The following PTPRS variants were observed in gnomAD, a reference collection of about 807,000 sequenced individuals.
PTPRS encodes the protein receptor-type tyrosine-protein phosphatase S.
A neutral mutation model predicts 215.3 loss-of-function variants in PTPRS; 63 were observed. That is an observed-to-expected ratio of 0.29 (90% CI 0.24 to 0.36). PTPRS has a LOEUF of 0.36. Among genes scored for constraint, PTPRS ranks in the 10% least tolerant of loss-of-function variants. PTPRS has a pLI of 1.00. For synonymous variants in PTPRS, 1,404 were observed against 1,191.4 expected (o/e 1.18, Z -3.68); for missense variants, 2,258 against 2,825.8 (o/e 0.80, Z 4.56).
chr19:5,329,009 G>A (rs1015105571), intron 1 of PTPRS, among the ~76,000 whole-genome samples: 5 of 152,186 alleles, frequency 3.3e-5, no homozygotes, highest in Non-Finnish European at 5.9e-5. Flanking sequence ...GGAGCCAGAC[G>A]GGCTGATCTG....
At chr19:5,340,390 G>A (rs1217852252) in intron 1 of PTPRS, among the ~76,000 whole-genome samples, 1 of 147,986 alleles carries the variant, frequency 6.8e-6, no homozygotes, top group East Asian at 2.0e-4. Flanking sequence ...CCCCTCCCAC[G>A]CCGCGGACGA....
intron 9 of PTPRS, among the ~76,000 whole-genome samples, chr19:5,252,646 G>A (rs1271182953): frequency 5.3e-5 from 8 of 149,584 alleles, no homozygotes; most frequent in East Asian, 2.0e-4. Flanking sequence ...TTTGGAGGCC[G>A]AGGCAGGTAG....
Position 5,277,655 on chromosome 19 carries a change from C to CAA in PTPRS, c.92-3313_92-3312dup, listed in dbSNP as rs59687529. 346 of 379,276 alleles carry CAA rather than the reference C, an allele frequency of 9.1e-4. 1 individual carries two copies. The highest frequency in any genetic ancestry group is 2.5e-3 in the African/African-American group (107 of 42,416). The allele number at this position is 379,276 out of a possible 1,614,324, so 23.5% of individuals were successfully genotyped here. A position where few individuals can be genotyped will look rare whatever the true frequency, so the allele number is the denominator to read the frequency against. ...TGGGCGACAGAGTGAGACTCCATCT[C>CAA]AAAAAAAAAAAAAAGGAGGAAAAGC... is the stretch of plus-strand genomic sequence containing the variant. On this transcript the variant is annotated intron_variant, in intron 2 of 37. Coordinates refer to ENST00000262963, the MANE Select transcript of PTPRS (RefSeq NM_002850.4).
In PTPRS at chr19:5,237,844, G is replaced by A. The variant is rs1489623751; in HGVS notation, c.1849+1075C>T. On this transcript the variant is annotated intron_variant, in intron 13 of 37. Transcript: ENST00000262963. The surrounding 1 kb of genome is among the most constrained non-coding windows in gnomAD (Gnocchi z 4.2). ...TGTGGGGAGCAGGAAGGAGGGAAGG[G>A]GGCCGGCGGGGGCAGGGGGGTTGTG... 1.3e-5 allele frequency among the ~76,000 whole-genome samples: 2 copies of A among 152,134 alleles called. No homozygotes were observed. The highest frequency in any genetic ancestry group is 3.9e-4 in the East Asian group (2 of 5,160).
chr19:5,325,959 G>A (rs1021452246), intron 1 of PTPRS, among the ~76,000 whole-genome samples: 6 of 152,224 alleles, frequency 3.9e-5, no homozygotes, highest in African/African-American at 1.2e-4. Flanking sequence ...GGACAGGCAT[G>A]GTGGCTCATG....
intron 17 of PTPRS, among the ~76,000 whole-genome samples, chr19:5,223,528 T>G (rs557485719): frequency 6.6e-6 from 1 of 150,862 alleles, no homozygotes; most frequent in East Asian, 2.0e-4. Flanking sequence ...AGTGCTAGGA[T>G]TATAAGGCCA....
intron 1 of PTPRS, among the ~76,000 whole-genome samples, chr19:5,314,745 G>C (rs772824943): frequency 2.6e-5 from 4 of 151,736 alleles, no homozygotes; most frequent in Non-Finnish European, 4.4e-5. Flanking sequence ...TTGTGCCTGA[G>C]GACAGAGCCT....
chr19:5,221,059 A>G lies in PTPRS; in HGVS notation c.3396T>C (p.Pro1132=). 1 of 1,613,868 alleles carries G rather than the reference A, an allele frequency of 6.2e-7. No individual in the cohort carries two copies. Among genetic ancestry groups the G allele is most frequent in the Non-Finnish European group, 8.5e-7 (1 of 1,179,958 alleles). ...ACACCATGATGAAGCCGTCAGCATCAGGCTTGGGGGCGACGCTGGGCTTGC... is the reference window on the plus strand; with the variant it reads ...ACACCATGATGAAGCCGTCAGCATCGGGCTTGGGGGCGACGCTGGGCTTGC... The part of the protein sequence containing the change: ...LNGKPSVAPK[P]DADGFIMVYL... Residue 1132 remains proline, a synonymous_variant, in exon 20 of 38, where the codon CCT becomes CCC. Transcript: ENST00000262963.
chr19:5,229,336 T>C lies in PTPRS; in HGVS notation c.2356A>G (p.Thr786Ala). ...DVMLADAQWE[T>A]DDTAEYEMVI... Reference sequence around the variant, plus strand: ...CTTACATATTCGGCCGTGTCATCCGTCTCCCACTGAGCGCGGGAGGAGGCG... The same window carrying C: ...CTTACATATTCGGCCGTGTCATCCGCCTCCCACTGAGCGCGGGAGGAGGCG... The change falls in exon 16 of 38, where the codon ACG (threonine) becomes GCG (alanine). Residue 786 changes from threonine to alanine, a missense_variant. Physicochemically the swap from Thr to Ala is moderately conservative, Grantham distance 58 (BLOSUM62 0). This residue lies in a region of PTPRS where 371 missense variants were observed against 446.7 expected (regional missense o/e 0.83). Transcript: ENST00000262963. The C allele has an allele frequency of 1.4e-6, 2 of 1,381,690 alleles. No individual in the cohort carries two copies. Among genetic ancestry groups the C allele is most frequent in the Non-Finnish European group, 1.9e-6 (2 of 1,063,168 alleles). 85.6% of individuals were successfully genotyped at this position (1,381,690 alleles called of 1,614,324 possible).
intron 2 of PTPRS, chr19:5,277,775 A>T (rs753055382): frequency 1.4e-6 from 1 of 727,866 alleles, no homozygotes. Context: ...AGATCGTCAA[A>T]AAGAGGATCA....
chr19:5,304,977 C>T (rs868746896), intron 1 of PTPRS, among the ~76,000 whole-genome samples: 1 of 151,804 alleles, frequency 6.6e-6, no homozygotes, highest in African/African-American at 2.4e-5. Context: ...GGCAGAACTT[C>T]CCACTACCCC....
At chr19:5,229,453 G>T (rs554871588) in intron 15 of PTPRS, 38 bp downstream of exon 15, 2 of 1,364,208 alleles carry the variant, frequency 1.5e-6, no homozygotes. Context: ...GTCCCCGCCC[G>T]GAGCCCGTCC....
At position 5,222,129 on chromosome 19, in the gene PTPRS, G is replaced by A. The variant is rs1247847748; in HGVS notation, c.3195C>T (p.Pro1065=). ...GCTGGCTGGGCAGTCGCACCTTGTA[G>A]GGTGTGGGTGAGTTGTAGTTGTCAG... is the stretch of plus-strand genomic sequence containing the variant. The part of the protein sequence containing the change: ...EFPDNYNSPT[P]YKIQYNGLTL... Residue 1065 remains proline, a synonymous_variant, in exon 19 of 38, where the codon CCC becomes CCT. Coordinates refer to ENST00000262963, the MANE Select transcript of PTPRS (RefSeq NM_002850.4). 2 of 1,613,232 alleles carry A rather than the reference G, an allele frequency of 1.2e-6. No homozygotes were observed. The highest frequency in any genetic ancestry group is 2.2e-5 in the South Asian group (2 of 91,076).
chr19:5,212,961 C>A (rs79648461), intron 30 of PTPRS, among the ~76,000 whole-genome samples: 1 of 152,104 alleles, frequency 6.6e-6, no homozygotes, highest in African/African-American at 2.4e-5. Context: ...TCACACACAA[C>A]GTGGCCAACT....
intron 26 of PTPRS, 132 bp from the exon 27 acceptor site, chr19:5,215,727 C>T (rs1034001768): frequency 2.9e-6 from 2 of 682,702 alleles, no homozygotes; most frequent in Non-Finnish European, 4.9e-6. Context: ...CGGGGTGGGG[C>T]TTGGCAGGAG....
chr19:5,211,919 GGCCTCCTCCCCACCCCGCCCACAGCA>G lies in PTPRS; in HGVS notation c.5055+20_5055+45del, dbSNP rs770195453. ...GGCGGGCCTGATTTTCGGCTCTTTG[GGCCTCCTCCCCACCCCGCCCACAGCA>G]GCCTCCACCCCGCTGGCACCTTGAA... is the stretch of plus-strand genomic sequence containing the variant. On this transcript the variant is annotated intron_variant, in intron 32 of 37. Coordinates refer to ENST00000262963, the MANE Select transcript of PTPRS (RefSeq NM_002850.4). The G allele has an allele frequency of 1.3e-6, 2 of 1,549,946 alleles. No homozygotes were observed.
chr19:5,233,954 A>AAAAAAAAAAAAC lies in PTPRS; in HGVS notation c.1850-2340_1850-2339insGTTTTTTTTTTT, dbSNP rs2043221400. Reference sequence around the variant, plus strand: ...GGGCAAGACTCCATCTCCAAAAAAAAAAAAAAAAAAAAAAAAAAAAAAATC... The same window carrying AAAAAAAAAAAAC: ...GGGCAAGACTCCATCTCCAAAAAAAAAAAAAAAAAAACAAAAAAAAAAAAAAAAAAAAAAATC... On this transcript the variant is annotated intron_variant, in intron 13 of 37. Transcript: ENST00000262963. Among the ~76,000 whole-genome samples the AAAAAAAAAAAAC allele has an allele frequency of 1.6e-5, 2 of 125,752 alleles. 1 individual carries two copies. The highest frequency in any genetic ancestry group is 3.3e-5 in the Non-Finnish European group (2 of 59,726). The allele number at this position is 125,752 out of a possible 152,430, so 82.5% of individuals were successfully genotyped here. A position where few individuals can be genotyped will look rare whatever the true frequency, so the allele number is the denominator to read the frequency against.
In PTPRS at chr19:5,286,091, C is replaced by A. The variant is rs2048329882; in HGVS notation, c.50G>T (p.Gly17Val). The stretch of plus-strand genomic sequence containing the variant: ...TCCAACGAGCAGGACCACAAGGAGG[C>A]CCATGGGACCAACCACAGACACCAT... ...PGMVSVVGPM[G>V]LLVVLLVGGC... The change falls in exon 2 of 38, where the codon GGC (glycine) becomes GTC (valine). Residue 17 changes from glycine to valine, a missense_variant. Transcript: ENST00000262963. The A allele has an allele frequency of 6.2e-7, 1 of 1,614,026 alleles. No homozygotes were observed. The highest frequency in any genetic ancestry group is 1.1e-5 in the South Asian group (1 of 91,082).
At chr19:5,211,458 T>C in intron 33 of PTPRS, 132 bp downstream of exon 33, 2 of 878,664 alleles carry the variant, frequency 2.3e-6, no homozygotes, top group Non-Finnish European at 1.7e-6. Flanking sequence ...AATATACATC[T>C]AAAGATGTGT....
Sources: allele counts gnomAD v4.1 joint callset (sites outside exome capture counted in the v4.1 genomes callset), GRCh38; gene constraint gnomAD v4.1.1; regional missense constraint gnomAD v4.1.1; non-coding constraint Gnocchi (gnomAD v3.1); transcripts MANE v1.5; gene names NCBI Gene and HGNC (gene_info 2026-07-23, HGNC 2026-07-21).